Variants in LRP2 observed in about 807,000 individuals in gnomAD.
LRP2 encodes LDL receptor related protein 2, also known as low-density lipoprotein receptor-related protein 2.
Under a neutral mutation model 531.0 loss-of-function variants are expected in LRP2, and 172 were observed. The ratio of observed to expected loss-of-function variants is 0.32; its 90% CI spans 0.29 to 0.37. The LOEUF (loss-of-function observed/expected upper bound fraction) is 0.37. Among genes scored for constraint, LRP2 ranks in the 10% least tolerant of loss-of-function variants. The pLI is 1.00. For missense variants in LRP2, 5,167 were observed against 5,868.3 expected, an observed-to-expected ratio of 0.88 and a Z score of 3.90; for synonymous variants, 1,992 against 2,027.6, an observed-to-expected ratio of 0.98 and a Z score of 0.47.
At chr2:169,205,443 T>C in intron 41 of LRP2, 36 bp downstream of exon 41, 1 of 1,613,106 alleles carries the variant, frequency 6.2e-7, no homozygotes, top group Non-Finnish European at 8.5e-7. Flanking sequence ...GAAAAACCTC[T>C]TCTTAACACC....
At chr2:169,203,751 C>T (rs374266756) in intron 42 of LRP2, among the ~76,000 whole-genome samples, 3 of 152,000 alleles carry the variant, frequency 2.0e-5, no homozygotes, top group Admixed American at 1.3e-4. Context: ...AGTGAGACTC[C>T]GTCTCAAAAA....
At chr2:169,204,972 G>C (rs1335448568) in intron 41 of LRP2, among the ~76,000 whole-genome samples, 2 of 151,684 alleles carry the variant, frequency 1.3e-5, no homozygotes, top group African/African-American at 4.8e-5. Context: ...GGAGAAGCTT[G>C]CCAGAGAAGA....
chr2:169,234,664 G>A (rs1306173441), intron 29 of LRP2, among the ~76,000 whole-genome samples: 1 of 152,056 alleles, frequency 6.6e-6, no homozygotes. Flanking sequence ...TGGGTCAAAT[G>A]GTATTTCTGG....
intron 46 of LRP2, among the ~76,000 whole-genome samples, chr2:169,194,716 C>CTTTTT (rs869249150): frequency 1.6e-4 from 16 of 103,018 alleles, no homozygotes; most frequent in South Asian, 3.1e-4. Context: ...TTGATCCAGA[C>CTTTTT]TTTTTTTTTT....
chr2:169,241,963 C>A (rs938650726), intron 24 of LRP2, among the ~76,000 whole-genome samples: 1 of 152,158 alleles, frequency 6.6e-6, no homozygotes, highest in Non-Finnish European at 1.5e-5. Context: ...AAACTCTCTA[C>A]CAGGGATCTC....
chr2:169,211,000 T>C (rs1688571796), intron 37 of LRP2, among the ~76,000 whole-genome samples: 1 of 152,202 alleles, frequency 6.6e-6, no homozygotes, highest in African/African-American at 2.4e-5. Flanking sequence ...CGTTTCTGTG[T>C]TTGAACATTT....
At chr2:169,347,081 C>T (rs1380460929) in intron 1 of LRP2, among the ~76,000 whole-genome samples, 13 of 152,216 alleles carry the variant, frequency 8.5e-5, no homozygotes, top group Admixed American at 8.5e-4. Context: ...TTCTTTCCCT[C>T]TTTCATCCCC....
In LRP2 at chr2:169,361,312, G is replaced by GTCTCTCTGTC. The variant is rs574610931; in HGVS notation, c.79+999_79+1008dup. Among the ~76,000 whole-genome samples, 1,035 of 124,876 alleles carry GTCTCTCTGTC rather than the reference G, an allele frequency of 8.3e-3. 30 individuals are homozygous for GTCTCTCTGTC. The highest frequency in any genetic ancestry group is 0.013 in the Non-Finnish European group (784 of 59,218). 81.9% of individuals were successfully genotyped at this position (124,876 alleles called of 152,430 possible). A position where few individuals can be genotyped will look rare whatever the true frequency, so the allele number is the denominator to read the frequency against. On this transcript the variant is annotated intron_variant, in intron 1 of 78. Transcript: ENST00000649046. ...CCCATTCATCCTCGGCCGGGTCTCT[G>GTCTCTCTGTC]TCTCTCTGTCTCTCTCTGTCTCTCT...
intron 1 of LRP2, among the ~76,000 whole-genome samples, chr2:169,350,392 T>G (rs1480602643): frequency 6.6e-6 from 1 of 151,964 alleles, no homozygotes; most frequent in Non-Finnish European, 1.5e-5. Flanking sequence ...AATTTGAAAG[T>G]TGTCAGCATG....
At chr2:169,139,880 C>G (rs1015293756) in intron 72 of LRP2, among the ~76,000 whole-genome samples, 1 of 152,216 alleles carries the variant, frequency 6.6e-6, no homozygotes, top group East Asian at 1.9e-4. Context: ...CTAATCTATG[C>G]AATGCTTCCT....
intron 10 of LRP2, among the ~76,000 whole-genome samples, chr2:169,280,906 A>G (rs1320037057): frequency 2.0e-5 from 3 of 152,204 alleles, no homozygotes; most frequent in African/African-American, 7.2e-5. Flanking sequence ...CACAGAAGAC[A>G]TTTTAAAGAT....
At chr2:169,275,733 A>G (rs830997) in intron 13 of LRP2, among the ~76,000 whole-genome samples, 109,767 of 151,818 alleles carry the variant, frequency 0.72, 40,011 homozygotes, top group East Asian at 0.93. Context: ...AAACGCCCAC[A>G]TCTGTTCCTG....
At chr2:169,157,588 C>A in intron 63 of LRP2, 86 bp from the exon 64 acceptor site, 1 of 1,475,474 alleles carries the variant, frequency 6.8e-7, no homozygotes, top group Non-Finnish European at 9.4e-7. Flanking sequence ...CTACTCGTAA[C>A]CAACTATAGG....
chr2:169,291,134 G>A (rs772294267), intron 7 of LRP2, 137 bp from the exon 8 acceptor site: 29 of 746,886 alleles, frequency 3.9e-5, no homozygotes, highest in Non-Finnish European at 6.1e-5. Flanking sequence ...CAATAAGTTA[G>A]TGATTTCTAA....
At chr2:169,177,675 T>A in intron 53 of LRP2, 128 bp downstream of exon 53, 1 of 842,442 alleles carries the variant, frequency 1.2e-6, no homozygotes, top group Non-Finnish European at 2.1e-6. Context: ...ACTTTCAGCA[T>A]ATGCTTTGAA....
chr2:169,244,672 G>A (rs775869931), intron 22 of LRP2, 21 bp downstream of exon 22: 6 of 1,614,088 alleles, frequency 3.7e-6, no homozygotes, highest in Non-Finnish European at 5.1e-6. Flanking sequence ...ACCAACCAAG[G>A]GAAACCAGCT....
chr2:169,275,158 T>C lies in LRP2; in HGVS notation c.1853A>G (p.Asp618Gly). Residue 618 changes from aspartate to glycine, a missense_variant, in exon 14 of 79, where the codon GAT becomes GGT. Transcript: ENST00000649046. ...SLFEGQVFFT[D>G]WTKMAVLKAN... ...CTTCAGCACGGCCATCTTTGTCCAA[T>C]CTGTAAAGAACACCTGACCTTCAAA... 1 of 1,613,822 alleles carries C rather than the reference T, an allele frequency of 6.2e-7. No individual in the cohort carries two copies. Among genetic ancestry groups the C allele is most frequent in the Non-Finnish European group, 8.5e-7 (1 of 1,179,856 alleles).
Position 169,128,581 on chromosome 2 carries a change from G to A in LRP2, c.*82C>T. 2 of 1,374,218 alleles carry A rather than the reference G, an allele frequency of 1.5e-6. No homozygotes were observed. Among genetic ancestry groups the A allele is most frequent in the Non-Finnish European group, 2.1e-6 (2 of 964,282 alleles). The allele number at this position is 1,374,218 out of a possible 1,614,324, so 85.1% of individuals were successfully genotyped here. ...AAATATATTTTTTTCATAAAGTACTGAATGTTAACTTTTTTCATCTGTTTG... is the reference window on the plus strand; with the variant it reads ...AAATATATTTTTTTCATAAAGTACTAAATGTTAACTTTTTTCATCTGTTTG... On this transcript the variant is annotated 3_prime_UTR_variant, in exon 79 of 79. Coordinates refer to ENST00000649046, the MANE Select transcript of LRP2 (RefSeq NM_004525.3).
In LRP2 at chr2:169,133,955, C is replaced by A. The variant is rs190317176; in HGVS notation, c.13621-1274G>T. On this transcript the variant is annotated intron_variant, in intron 76 of 78. Transcript: ENST00000649046. ...TACTTCAGTCAAGCCCAAATTTCAT[C>A]CTCATCTGTTACCTATTTCGGCATA... Among the ~76,000 whole-genome samples, 181 of 152,264 alleles carry A rather than the reference C, an allele frequency of 1.2e-3. No individual in the cohort carries two copies. The Middle Eastern group carries it at 0.017, about 14-fold the overall frequency.
Sources: allele counts gnomAD v4.1 joint callset (sites outside exome capture counted in the v4.1 genomes callset), GRCh38; gene constraint gnomAD v4.1.1; transcripts MANE v1.5; gene names NCBI Gene and HGNC (gene_info 2026-07-23, HGNC 2026-07-21).